Variants in FSTL5 observed in about 807,000 individuals in gnomAD.
FSTL5 encodes follistatin like 5.
Under a neutral mutation model 89.1 loss-of-function variants are expected in FSTL5, and 62 were observed. The observed-to-expected ratio is 0.70, with a 90% CI of 0.57 to 0.86. The LOEUF (loss-of-function observed/expected upper bound fraction) is 0.86. Ranked by LOEUF, FSTL5 falls within the 40% of genes least tolerant of loss-of-function variation. The pLI, the probability that FSTL5 is intolerant of heterozygous loss-of-function variation, is 0.00. For missense variants in FSTL5, 1,057 were observed against 1,001.6 expected, an observed-to-expected ratio of 1.06 and a Z score of -0.75; for synonymous variants, 383 against 346.2, an observed-to-expected ratio of 1.11 and a Z score of -1.18.
intron 14 of FSTL5, among the ~76,000 whole-genome samples, chr4:161,456,683 C>A (rs1488519258): frequency 6.6e-6 from 1 of 152,142 alleles, no homozygotes; most frequent in East Asian, 1.9e-4. Context: ...TCCTGATAAT[C>A]TTTTGGGAGA....
intron 2 of FSTL5, among the ~76,000 whole-genome samples, chr4:162,045,906 T>G (rs975565800): frequency 2.0e-5 from 3 of 152,008 alleles, no homozygotes; most frequent in Non-Finnish European, 4.4e-5. Context: ...AGGGTGTACC[T>G]ATTTAATTTT....
intron 7 of FSTL5, among the ~76,000 whole-genome samples, chr4:161,635,425 T>C (rs1468720633): frequency 1.3e-5 from 2 of 151,984 alleles, no homozygotes; most frequent in South Asian, 2.1e-4. Flanking sequence ...CTACCTGCTA[T>C]ACAAAATGTC....
rs1475021046 is a variant in FSTL5, at chr4:161,691,962, T to A, written c.728-35468A>T. Among the ~76,000 whole-genome samples the A allele has an allele frequency of 3.3e-5, 5 of 152,098 alleles. No individual in the cohort carries two copies. In the East Asian group the frequency reaches 9.7e-4, roughly 29 times the overall value. On this transcript the variant is annotated intron_variant, in intron 6 of 15. Coordinates refer to ENST00000306100, the MANE Select transcript of FSTL5 (RefSeq NM_020116.5). The stretch of plus-strand genomic sequence containing the variant: ...ATATATATGTACACATATATGTATA[T>A]ACACAATATGTATATTCAAAATAAA...
At chr4:161,902,147 G>T (rs1733385132) in intron 4 of FSTL5, among the ~76,000 whole-genome samples, 1 of 151,858 alleles carries the variant, frequency 6.6e-6, no homozygotes, top group Non-Finnish European at 1.5e-5. Context: ...ATGATACTTT[G>T]CCTAGTTTTG....
At chr4:161,613,975 T>A (rs770031720) in intron 7 of FSTL5, among the ~76,000 whole-genome samples, 1 of 152,180 alleles carries the variant, frequency 6.6e-6, no homozygotes, top group East Asian at 1.9e-4. Flanking sequence ...ATATTACATT[T>A]CCAAATACAT....
intron 3 of FSTL5, among the ~76,000 whole-genome samples, chr4:161,945,989 G>T (rs1245172997): frequency 6.6e-6 from 1 of 151,926 alleles, no homozygotes; most frequent in Admixed American, 6.6e-5. Context: ...ATCTTCTTCT[G>T]GTTCTGACCA....
intron 4 of FSTL5, among the ~76,000 whole-genome samples, chr4:161,914,076 A>C (rs1233572938): frequency 1.3e-5 from 2 of 152,118 alleles, no homozygotes; most frequent in South Asian, 4.1e-4. Flanking sequence ...CTGTGTCCCC[A>C]CCCAAATCTC....
rs1295192589 is a variant in FSTL5 at position 161,565,821 on chromosome 4, G to A, written c.1015+21634C>T. On this transcript the variant is annotated intron_variant, in intron 8 of 15. Transcript: ENST00000306100. The stretch of plus-strand genomic sequence containing the variant: ...TTTCTTTATCTCTTCATTGGTTGAT[G>A]GACACTTAGATTGGTTCCATATCTT... Among the ~76,000 whole-genome samples, 9 of 144,592 alleles carry A rather than the reference G, an allele frequency of 6.2e-5. No individual in the cohort carries two copies. In the East Asian group the frequency reaches 1.3e-3, roughly 21 times the overall value. 94.9% of individuals were successfully genotyped at this position (144,592 alleles called of 152,430 possible).
Position 161,973,018 on chromosome 4 carries a change from A to G in FSTL5, c.161-52366T>C, listed in dbSNP as rs1183673766. ...TTCTCATTGATTCTTAGGAATTGGT[A>G]TTTTTTTACTATGGCCTAGAAAACT... On this transcript the variant is annotated intron_variant, in intron 3 of 15. Coordinates refer to ENST00000306100, the MANE Select transcript of FSTL5 (RefSeq NM_020116.5). 2.0e-5 allele frequency among the ~76,000 whole-genome samples: 3 copies of G among 152,036 alleles called. No individual in the cohort carries two copies. The East Asian group carries it at 5.8e-4, about 29-fold the overall frequency.
chr4:161,425,858 T>G (rs982685554), intron 15 of FSTL5, among the ~76,000 whole-genome samples: 1 of 152,022 alleles, frequency 6.6e-6, no homozygotes, highest in Non-Finnish European at 1.5e-5. Flanking sequence ...TTCTGTTCTC[T>G]CTCTTTTTCT....
chr4:161,479,774 G>T (rs939149219), intron 13 of FSTL5, among the ~76,000 whole-genome samples: 7 of 152,056 alleles, frequency 4.6e-5, no homozygotes, highest in African/African-American at 1.4e-4. Flanking sequence ...TCTCATATTA[G>T]AAATTGAAAC....
chr4:162,097,073 T>C (rs1314483560), intron 2 of FSTL5, among the ~76,000 whole-genome samples: 1 of 151,950 alleles, frequency 6.6e-6, no homozygotes, highest in Admixed American at 6.6e-5. Context: ...TTTTTTACTA[T>C]TGCTTTTCCT....
intron 8 of FSTL5, among the ~76,000 whole-genome samples, chr4:161,574,394 A>G (rs1289782330): frequency 6.7e-6 from 1 of 148,640 alleles, no homozygotes; most frequent in African/African-American, 2.5e-5. Context: ...TGTGCAGGAC[A>G]TGCAGGTTTG....
At chr4:161,828,672 T>C (rs1256616420) in intron 4 of FSTL5, among the ~76,000 whole-genome samples, 1 of 149,896 alleles carries the variant, frequency 6.7e-6, no homozygotes, top group Non-Finnish European at 1.5e-5. Flanking sequence ...CCTCTGGGGA[T>C]TGAGTCATAT....
intron 1 of FSTL5, among the ~76,000 whole-genome samples, chr4:162,124,599 A>C (rs1366153459): frequency 1.3e-5 from 2 of 152,222 alleles, no homozygotes; most frequent in African/African-American, 4.8e-5. Flanking sequence ...CTATTGAAAA[A>C]TGAGCCCTTG....
At chr4:162,111,157 C>T in intron 2 of FSTL5, 114 bp downstream of exon 2, 1 of 817,478 alleles carries the variant, frequency 1.2e-6, no homozygotes, top group Non-Finnish European at 1.8e-6. Flanking sequence ...AATATGGAAA[C>T]TACTGAAAGC....
intron 4 of FSTL5, among the ~76,000 whole-genome samples, chr4:161,842,116 T>C (rs1200075379): frequency 6.6e-6 from 1 of 152,170 alleles, no homozygotes; most frequent in Non-Finnish European, 1.5e-5. Flanking sequence ...TGAAATGTGA[T>C]GGTGATTATT....
At chr4:162,026,304 C>CTTTTTATTTTTTTTTTTTTTTT (rs1737282030) in intron 3 of FSTL5, among the ~76,000 whole-genome samples, 2 of 79,474 alleles carry the variant, frequency 2.5e-5, no homozygotes, top group South Asian at 5.4e-4. Flanking sequence ...TATGTATTTT[C>CTTTTTATTTTTTTTTTTTTTTT]TTTTTTTTTT....
chr4:161,905,218 A>T (rs1733487583), intron 4 of FSTL5, among the ~76,000 whole-genome samples: 1 of 152,124 alleles, frequency 6.6e-6, no homozygotes, highest in Non-Finnish European at 1.5e-5. Flanking sequence ...TAGCTTCTTT[A>T]AAATTAAAAA....
Sources: gnomAD v4.1 joint callset for allele counts (sites outside exome capture counted in the v4.1 genomes callset) on GRCh38, gnomAD v4.1.1 for gene constraint, MANE v1.5 for transcripts, NCBI Gene and HGNC (gene_info 2026-07-23, HGNC 2026-07-21) for gene names.